Variants in DYM observed in about 807,000 individuals in gnomAD.
DYM encodes dymeclin, also known as dyggve-Melchior-Clausen syndrome protein.
DYM carries 78 observed loss-of-function variants against 93.1 expected under a neutral mutation model. That is an observed-to-expected ratio of 0.84 (90% CI 0.70 to 1.01). The LOEUF (loss-of-function observed/expected upper bound fraction) is 1.01. DYM is among the 50% of genes least tolerant of loss of function. The pLI is 0.00. For missense variants in DYM, 789 were observed against 845.0 expected (o/e 0.93, Z 0.82); for synonymous variants, 321 against 319.7 (o/e 1.00, Z -0.04).
intron 17 of DYM, among the ~76,000 whole-genome samples, chr18:49,063,311 T>TC (rs1356836265): frequency 6.6e-6 from 1 of 151,024 alleles, no homozygotes; most frequent in Non-Finnish European, 1.5e-5. Flanking sequence ...TCTTTTCTTT[T>TC]TTTTTTTTTT....
chr18:49,168,648 T>G (rs1401671682), intron 14 of DYM, among the ~76,000 whole-genome samples: 1 of 151,918 alleles, frequency 6.6e-6, no homozygotes, highest in East Asian at 1.9e-4. Flanking sequence ...TCTTACAAAA[T>G]AATGAAAGAG....
chr18:49,043,724 C>T lies in DYM; in HGVS notation c.*331G>A. The T allele has an allele frequency of 2.8e-6, 1 of 359,364 alleles. No individual in the cohort carries two copies. Among genetic ancestry groups the T allele is most frequent in the Non-Finnish European group, 5.3e-6 (1 of 190,306 alleles). 22.3% of individuals were successfully genotyped at this position (359,364 alleles called of 1,614,324 possible). ...AGTGTGCACTGTTGGATAGTGTGCA[C>T]TGTTGAAGTGTGATGTGCCTAAGGC... On this transcript the variant is annotated 3_prime_UTR_variant, in exon 18 of 18. Coordinates refer to ENST00000675505, the MANE Select transcript of DYM (RefSeq NM_001353214.3).
At chr18:49,432,329 C>CAAAAAAAAAAAAA (rs11429840) in intron 1 of DYM, among the ~76,000 whole-genome samples, 1 of 75,828 alleles carries the variant, frequency 1.3e-5, no homozygotes, top group Non-Finnish European at 2.8e-5. Flanking sequence ...AAGACTGTCT[C>CAAAAAAAAAAAAA]AAAAAAAAAA....
At chr18:49,083,010 T>G (rs2078192813) in intron 17 of DYM, among the ~76,000 whole-genome samples, 1 of 152,232 alleles carries the variant, frequency 6.6e-6, no homozygotes, top group Non-Finnish European at 1.5e-5. Flanking sequence ...ATGTTAGGTT[T>G]TGTCTGTGTG....
intron 14 of DYM, among the ~76,000 whole-genome samples, chr18:49,192,428 T>A (rs111688070): frequency 1.3e-5 from 2 of 152,228 alleles, no homozygotes; most frequent in African/African-American, 4.8e-5. Flanking sequence ...AAGATGTTAA[T>A]CCAATTTGAT....
chr18:49,106,914 G>A (rs2080872063), intron 16 of DYM, among the ~76,000 whole-genome samples: 1 of 152,092 alleles, frequency 6.6e-6, no homozygotes, highest in Non-Finnish European at 1.5e-5. Flanking sequence ...GAGTATCTTT[G>A]TGGCGTTCTC....
intron 14 of DYM, among the ~76,000 whole-genome samples, chr18:49,176,781 G>T (rs1190679908): frequency 2.6e-5 from 4 of 151,896 alleles, no homozygotes; most frequent in African/African-American, 9.7e-5. Context: ...TTAAAAATTG[G>T]TAATTTATCT....
chr18:49,284,088 A>G (rs2095058892), intron 9 of DYM, among the ~76,000 whole-genome samples: 1 of 152,204 alleles, frequency 6.6e-6, no homozygotes, highest in Non-Finnish European at 1.5e-5. Context: ...AAGATTCTAG[A>G]CACACTACAC....
At chr18:49,109,643 C>T (rs1284753457) in intron 16 of DYM, among the ~76,000 whole-genome samples, 20 of 152,234 alleles carry the variant, frequency 1.3e-4, no homozygotes, top group Admixed American at 1.3e-3. Context: ...CATTACCACA[C>T]TGGCTCCCCA....
At chr18:49,262,085 G>A (rs2145271450) in intron 11 of DYM, among the ~76,000 whole-genome samples, 2 of 152,222 alleles carry the variant, frequency 1.3e-5, no homozygotes, top group Middle Eastern at 3.4e-3. Context: ...ATATAATCAA[G>A]ATGAGACTGC....
At chr18:49,252,550 A>G (rs2094313781) in intron 13 of DYM, among the ~76,000 whole-genome samples, 1 of 152,200 alleles carries the variant, frequency 6.6e-6, no homozygotes, top group Non-Finnish European at 1.5e-5. Context: ...TTACAATTCA[A>G]GATGAGATTT....
At chr18:49,073,734 A>G (rs1385814475) in intron 17 of DYM, among the ~76,000 whole-genome samples, 1 of 152,160 alleles carries the variant, frequency 6.6e-6, no homozygotes, top group East Asian at 1.9e-4. Flanking sequence ...CACGTCTAAA[A>G]CAAGGAATGG....
intron 2 of DYM, among the ~76,000 whole-genome samples, chr18:49,394,332 G>T (rs1664214099): frequency 6.6e-6 from 1 of 152,050 alleles, no homozygotes; most frequent in African/African-American, 2.4e-5. Flanking sequence ...AAAGCACTTA[G>T]AACAGTGCCT....
At chr18:49,256,067 G>C (rs1024197996) in intron 13 of DYM, among the ~76,000 whole-genome samples, 1 of 127,886 alleles carries the variant, frequency 7.8e-6, no homozygotes, top group African/African-American at 3.0e-5. Context: ...CTGGGTGACA[G>C]AGCGAGACTC....
At chr18:49,382,955 C>T (rs1427442788) in intron 3 of DYM, among the ~76,000 whole-genome samples, 1 of 151,942 alleles carries the variant, frequency 6.6e-6, no homozygotes, top group Admixed American at 6.6e-5. Context: ...AAGATCTCAC[C>T]GAAAGACTCA....
chr18:49,432,655 A>G (rs990006128), intron 1 of DYM, among the ~76,000 whole-genome samples: 2 of 147,456 alleles, frequency 1.4e-5, no homozygotes, highest in African/African-American at 5.0e-5. Flanking sequence ...GCTGAGTACA[A>G]TGCTGGAGTA....
intron 17 of DYM, among the ~76,000 whole-genome samples, chr18:49,083,688 T>C (rs2078249773): frequency 6.6e-6 from 1 of 152,226 alleles, no homozygotes; most frequent in Non-Finnish European, 1.5e-5. Context: ...GTGATAGGTC[T>C]ATTCAGTTTT....
intron 1 of DYM, 98 bp downstream of exon 1, chr18:49,460,300 G>C (rs1235499677): frequency 1.3e-5 from 2 of 152,096 alleles, no homozygotes; most frequent in Admixed American, 6.5e-5. Context: ...GCGCTGGCCG[G>C]GTTGCGGAGG....
intron 8 of DYM, among the ~76,000 whole-genome samples, chr18:49,292,604 A>ACAAAAC (rs2060223482): frequency 5.1e-4 from 35 of 68,174 alleles, no homozygotes; most frequent in African/African-American, 2.6e-3. Flanking sequence ...AAAAAAAAAA[A>ACAAAAC]AAAAAAAAAA....
Sources: gnomAD v4.1 joint callset for allele counts (sites outside exome capture counted in the v4.1 genomes callset) on GRCh38, gnomAD v4.1.1 for gene constraint, MANE v1.5 for transcripts, NCBI Gene and HGNC (gene_info 2026-07-23, HGNC 2026-07-21) for gene names.